The following ELAVL2 variants were observed in gnomAD, a reference collection of about 807,000 sequenced individuals.
The protein encoded by ELAVL2 is ELAV-like protein 2.
A neutral mutation model predicts 34.6 loss-of-function variants in ELAVL2; 4 were observed. The ratio of observed to expected loss-of-function variants is 0.12; its 90% CI spans 0.06 to 0.26. The LOEUF is 0.26. Ranked by LOEUF, ELAVL2 falls within the 10% of genes least tolerant of loss-of-function variation. ELAVL2 has a pLI of 1.00. For missense variants in ELAVL2, 432 were observed against 442.8 expected (o/e 0.98, Z 0.22); for synonymous variants, 193 against 154.8 (o/e 1.25, Z -1.83).
intron 3 of ELAVL2, among the ~76,000 whole-genome samples, chr9:23,725,559 C>T (rs2044899894): frequency 1.3e-5 from 2 of 152,130 alleles, no homozygotes; most frequent in South Asian, 4.1e-4. Context: ...CTGGTTTACA[C>T]AGCATCTAAG....
At chr9:23,779,313 A>C in intron 1 of ELAVL2, 1 of 985,460 alleles carries the variant, frequency 1.0e-6, no homozygotes, top group African/African-American at 1.7e-5. Context: ...CAAAGTGGGC[A>C]GACAGAGGAA....
chr9:23,849,793 A>T, the ELAVL2 span: 2 of 152,166 alleles, frequency 1.3e-5, no homozygotes, highest in Non-Finnish European at 2.9e-5. Context: ...TTGTTGTTTA[A>T]CGACCCCCTC....
At chr9:23,756,361 T>C (rs967266306) in intron 2 of ELAVL2, among the ~76,000 whole-genome samples, 15 of 152,160 alleles carry the variant, frequency 9.9e-5, no homozygotes, top group African/African-American at 3.4e-4. Flanking sequence ...TTTTGTTTTT[T>C]CCCCTTTTGT....
chr9:23,733,124 C>A (rs947927896), intron 2 of ELAVL2, among the ~76,000 whole-genome samples: 47 of 150,462 alleles, frequency 3.1e-4, no homozygotes, highest in African/African-American at 1.1e-3. Context: ...CAGCTTCTAA[C>A]CCCAGTGCAT....
chr9:23,726,460 T>G (rs995368495), intron 3 of ELAVL2, among the ~76,000 whole-genome samples: 16 of 152,130 alleles, frequency 1.1e-4, no homozygotes, highest in Non-Finnish European at 1.8e-4. Context: ...GACAGAATTT[T>G]TTTTTCTTTT....
At chr9:23,729,578 TC>T (rs2046059036) in intron 3 of ELAVL2, among the ~76,000 whole-genome samples, 1 of 152,154 alleles carries the variant, frequency 6.6e-6, no homozygotes, top group African/African-American at 2.4e-5. Context: ...ATCTCATTTT[TC>T]CCTTCACATT....
the ELAVL2 span, among the ~76,000 whole-genome samples, chr9:23,847,959 T>C: frequency 6.6e-6 from 1 of 151,964 alleles, no homozygotes; most frequent in African/African-American, 2.4e-5. Flanking sequence ...GATGGCTTCT[T>C]TGAGATTATG....
chr9:23,704,859 A>T, intron 4 of ELAVL2, 59 bp downstream of exon 4: 3 of 1,594,608 alleles, frequency 1.9e-6, no homozygotes, highest in Non-Finnish European at 8.6e-7. Context: ...AAGACAGAAT[A>T]TTTCACAATC....
Position 23,766,005 on chromosome 9 carries a change from C to T in ELAVL2, c.-15-3756G>A, listed in dbSNP as rs962647532. Among the ~76,000 whole-genome samples the T allele has an allele frequency of 3.9e-5, 6 of 152,238 alleles. No homozygotes were observed. In the South Asian group the frequency reaches 1.2e-3, roughly 32 times the overall value. On this transcript the variant is annotated intron_variant, in intron 1 of 6. Coordinates refer to ENST00000397312, the MANE Select transcript of ELAVL2 (RefSeq NM_004432.5). ...ACTTTTTTTGCCATATATGCAGATGCTTCAAATGGTCAATATAATCAGAAA... is the reference window on the plus strand; with the variant it reads ...ACTTTTTTTGCCATATATGCAGATGTTTCAAATGGTCAATATAATCAGAAA...
At chr9:23,823,640 T>G (rs976740920) in intron 1 of ELAVL2, among the ~76,000 whole-genome samples, 3 of 152,238 alleles carry the variant, frequency 2.0e-5, no homozygotes, top group African/African-American at 7.2e-5. Context: ...CATATTTTTT[T>G]GCGGGCTTAT....
intron 3 of ELAVL2, among the ~76,000 whole-genome samples, chr9:23,710,780 A>C (rs886111472): frequency 4.6e-5 from 7 of 152,206 alleles, no homozygotes; most frequent in Admixed American, 2.6e-4. Context: ...ATGACACTAT[A>C]ACTCAATAAA....
intron 1 of ELAVL2, among the ~76,000 whole-genome samples, chr9:23,767,858 G>A (rs944951136): frequency 1.3e-5 from 2 of 152,116 alleles, no homozygotes; most frequent in Admixed American, 6.6e-5. Context: ...GAGGGAAAAA[G>A]GTTCCATAGC....
At chr9:23,784,183 A>G (rs1172123106) in intron 1 of ELAVL2, among the ~76,000 whole-genome samples, 1 of 151,442 alleles carries the variant, frequency 6.6e-6, no homozygotes, top group Non-Finnish European at 1.5e-5. Flanking sequence ...GGGGCCACAG[A>G]GCAAGACTCC....
intron 1 of ELAVL2, among the ~76,000 whole-genome samples, chr9:23,817,244 A>AT (rs916460859): frequency 3.4e-5 from 5 of 148,280 alleles, no homozygotes; most frequent in African/African-American, 9.7e-5. Flanking sequence ...CTGCAAGTTT[A>AT]TTTAAAAAAA....
At chr9:23,752,894 T>C (rs2052505496) in intron 2 of ELAVL2, among the ~76,000 whole-genome samples, 1 of 152,152 alleles carries the variant, frequency 6.6e-6, no homozygotes, top group African/African-American at 2.4e-5. Context: ...ATATATGGTG[T>C]CAGAAATTAC....
At chr9:23,841,727 A>G in the ELAVL2 span, among the ~76,000 whole-genome samples, 5 of 152,146 alleles carry the variant, frequency 3.3e-5, no homozygotes, top group Admixed American at 1.3e-4. Context: ...ATCTATGTAT[A>G]AAGTGAATGA....
At chr9:23,700,591 C>G (rs1274700726) in intron 5 of ELAVL2, among the ~76,000 whole-genome samples, 1 of 152,086 alleles carries the variant, frequency 6.6e-6, no homozygotes, top group African/African-American at 2.4e-5. Flanking sequence ...GCTGTATGGG[C>G]TATAAGCTAA....
chr9:23,739,252 C>G (rs1468210736), intron 2 of ELAVL2, among the ~76,000 whole-genome samples: 3 of 152,148 alleles, frequency 2.0e-5, no homozygotes, highest in Admixed American at 6.6e-5. Context: ...GTAGCACGCT[C>G]AGCACCACAA....
chr9:23,818,226 A>AT (rs2063996486), intron 1 of ELAVL2, among the ~76,000 whole-genome samples: 1 of 152,234 alleles, frequency 6.6e-6, no homozygotes, highest in Non-Finnish European at 1.5e-5. Flanking sequence ...ATCACTAGAC[A>AT]TAAAGCCTTC....
Sources: allele counts gnomAD v4.1 joint callset (sites outside exome capture counted in the v4.1 genomes callset), GRCh38; gene constraint gnomAD v4.1.1; transcripts MANE v1.5; gene names NCBI Gene and HGNC (gene_info 2026-07-23, HGNC 2026-07-21).